HMCN1: variants seen among roughly 807,000 people sequenced by gnomAD.
HMCN1 encodes hemicentin 1.
A neutral mutation model predicts 625.9 loss-of-function variants in HMCN1; 321 were observed. The observed-to-expected ratio is 0.51, with a 90% CI of 0.47 to 0.56. The LOEUF (loss-of-function observed/expected upper bound fraction) is 0.56, where lower values mean the gene tolerates loss of function less well. HMCN1 is among the 20% of genes least tolerant of loss of function. The probability of loss-of-function intolerance (pLI) is 0.00; values close to 1 mark genes in which losing one functional copy is unlikely to be tolerated. For missense variants in HMCN1, 6,588 were observed against 6,887.3 expected, an observed-to-expected ratio of 0.96 and a Z score of 1.54; for synonymous variants, 2,425 against 2,417.6, an observed-to-expected ratio of 1.00 and a Z score of -0.09.
At chr1:185,957,698 A>G (rs1002389246) in intron 11 of HMCN1, among the ~76,000 whole-genome samples, 10 of 152,182 alleles carry the variant, frequency 6.6e-5, no homozygotes, top group African/African-American at 2.4e-4. Context: ...GTTTTTCTGT[A>G]TGAACATTAG....
intron 4 of HMCN1, among the ~76,000 whole-genome samples, chr1:185,872,793 A>T (rs573732215): frequency 6.6e-6 from 1 of 152,312 alleles, no homozygotes; most frequent in Non-Finnish European, 1.5e-5. Context: ...AAACTGCAGC[A>T]ATAGATTCTG....
At chr1:185,903,137 G>A (rs1354708496) in intron 4 of HMCN1, among the ~76,000 whole-genome samples, 1 of 151,714 alleles carries the variant, frequency 6.6e-6, no homozygotes, top group East Asian at 1.9e-4. Flanking sequence ...ATTTTATAAA[G>A]ATAAATTAAT....
intron 1 of HMCN1, among the ~76,000 whole-genome samples, chr1:185,781,480 C>A (rs1175699682): frequency 6.6e-6 from 1 of 152,120 alleles, no homozygotes; most frequent in African/African-American, 2.4e-5. Flanking sequence ...CTCTTGTGGG[C>A]ATTTAGTGGT....
intron 1 of HMCN1, among the ~76,000 whole-genome samples, chr1:185,800,803 A>G (rs1446239107): frequency 2.0e-5 from 3 of 152,214 alleles, no homozygotes; most frequent in Admixed American, 6.5e-5. Flanking sequence ...TTGGCCATCT[A>G]TGAAACATGA....
intron 1 of HMCN1, among the ~76,000 whole-genome samples, chr1:185,843,224 A>G (rs959287676): frequency 6.6e-6 from 1 of 152,234 alleles, no homozygotes; most frequent in Non-Finnish European, 1.5e-5. Context: ...CTGTTATAAC[A>G]ATGTTATCAG....
Position 185,950,886 on chromosome 1 carries a change from T to C in HMCN1, c.1829-11632T>C, listed in dbSNP as rs375055885. 9.1e-3 allele frequency among the ~76,000 whole-genome samples: 1,164 copies of C among 127,776 alleles called. 3 individuals are homozygous for C. The highest frequency in any genetic ancestry group is 0.029 in the African/African-American group (1,002 of 34,132). 83.8% of individuals were successfully genotyped at this position (127,776 alleles called of 152,430 possible). A position where few individuals can be genotyped will look rare whatever the true frequency, so the allele number is the denominator to read the frequency against. ...AGGCAAAACAATTTGGTTGATAAGG[T>C]GCAGATCCTGAACTAACTTGTAAGG... On this transcript the variant is annotated intron_variant, in intron 11 of 106. Coordinates refer to ENST00000271588, the MANE Select transcript of HMCN1 (RefSeq NM_031935.3).
At chr1:186,155,630 C>T (rs962995549) in intron 97 of HMCN1, among the ~76,000 whole-genome samples, 9 of 152,006 alleles carry the variant, frequency 5.9e-5, no homozygotes, top group African/African-American at 1.9e-4. Flanking sequence ...ATCTTTGTAC[C>T]GTCTTTAAGT....
intron 36 of HMCN1, among the ~76,000 whole-genome samples, chr1:186,029,194 G>A (rs953368011): frequency 6.6e-6 from 1 of 152,010 alleles, no homozygotes; most frequent in Non-Finnish European, 1.5e-5. Context: ...ACTCTTTGGA[G>A]TAGAAAAGCA....
intron 4 of HMCN1, among the ~76,000 whole-genome samples, chr1:185,908,185 A>G (rs1182615671): frequency 1.3e-5 from 2 of 151,914 alleles, no homozygotes; most frequent in Admixed American, 6.6e-5. Context: ...TTGTTATGTG[A>G]TAATAAGTCT....
At chr1:186,176,208 C>G (rs1345164156) in intron 103 of HMCN1, among the ~76,000 whole-genome samples, 1 of 152,110 alleles carries the variant, frequency 6.6e-6, no homozygotes, top group Non-Finnish European at 1.5e-5. Flanking sequence ...AGAACTGATT[C>G]TATGTCCTTG....
At chr1:185,888,824 A>G (rs1474516207) in intron 4 of HMCN1, among the ~76,000 whole-genome samples, 2 of 145,504 alleles carry the variant, frequency 1.4e-5, no homozygotes, top group Non-Finnish European at 3.0e-5. Flanking sequence ...ACTTTAAAGT[A>G]GTTTTTTCCA....
Position 185,982,426 on chromosome 1 carries a change from TG to T in HMCN1, c.2790+38del, listed in dbSNP as rs1388464660. ...TTAAATGCATGCATTCACATTCTTT[TG>T]TGAGTTTTCTTTTCTTTTTTTTTTT... On this transcript the variant is annotated intron_variant, in intron 18 of 106. Coordinates refer to ENST00000271588, the MANE Select transcript of HMCN1 (RefSeq NM_031935.3). 5.7e-6 allele frequency: 9 copies of T among 1,591,818 alleles called. No homozygotes were observed. The South Asian group carries it at 8.9e-5, about 16-fold the overall frequency.
At chr1:186,023,827 T>C (rs887844360) in intron 36 of HMCN1, among the ~76,000 whole-genome samples, 4 of 152,218 alleles carry the variant, frequency 2.6e-5, no homozygotes, top group African/African-American at 9.6e-5. Context: ...ATTTATTCAT[T>C]CATATATTCA....
At chr1:186,098,240 G>A (rs1021480100) in intron 68 of HMCN1, among the ~76,000 whole-genome samples, 1 of 152,006 alleles carries the variant, frequency 6.6e-6, no homozygotes, top group African/African-American at 2.4e-5. Context: ...CACAGCTAAG[G>A]AAACATTCAA....
intron 85 of HMCN1, 35 bp downstream of exon 85, chr1:186,130,732 A>C (rs769590440): frequency 6.2e-5 from 98 of 1,583,398 alleles, no homozygotes; most frequent in African/African-American, 1.3e-5. Context: ...GCACCTTTAA[A>C]CCCCCACAGC....
At chr1:185,907,719 T>C (rs746042345) in intron 4 of HMCN1, among the ~76,000 whole-genome samples, 6 of 151,890 alleles carry the variant, frequency 4.0e-5, no homozygotes, top group Non-Finnish European at 7.4e-5. Flanking sequence ...CTGAAACAAC[T>C]AGGGGAAGAG....
In HMCN1 at chr1:186,001,384, G is replaced by A. The variant is rs757548486; in HGVS notation, c.4156G>A (p.Gly1386Ser). 1.2e-5 allele frequency: 19 copies of A among 1,612,026 alleles called. No individual in the cohort carries two copies. Among genetic ancestry groups the A allele is most frequent in the African/African-American group, 5.3e-5 (4 of 74,804 alleles). ...GACCAATCTCTTCTGTGAAGTGGAA[G>A]GCACTCCATCTCCCATCATTATGTG... ...QLTNLFCEVEGTPSPIIMWYK... is the reference protein window; with the variant it reads ...QLTNLFCEVESTPSPIIMWYK... The change falls in exon 27 of 107, where the codon GGC (glycine) becomes AGC (serine). Residue 1386 changes from glycine to serine, a missense_variant. Around this residue, in one of 3 missense-constraint regions of HMCN1, gnomAD observed 4,628 missense variants for 4,853.1 expected, o/e 0.95. Coordinates refer to ENST00000271588, the MANE Select transcript of HMCN1 (RefSeq NM_031935.3).
intron 1 of HMCN1, among the ~76,000 whole-genome samples, chr1:185,808,883 A>T (rs184744241): frequency 1.5e-4 from 23 of 152,212 alleles, no homozygotes; most frequent in African/African-American, 5.5e-4. Flanking sequence ...AAAAGTATTC[A>T]GAAGGGAAAT....
intron 53 of HMCN1, among the ~76,000 whole-genome samples, chr1:186,075,576 A>G (rs1240769951): frequency 6.6e-6 from 1 of 152,086 alleles, no homozygotes; most frequent in African/African-American, 2.4e-5. Context: ...AAGTATATAA[A>G]GCTCCTAGCA....
Sources: allele counts gnomAD v4.1 joint callset (sites outside exome capture counted in the v4.1 genomes callset), GRCh38; gene constraint gnomAD v4.1.1; regional missense constraint gnomAD v4.1.1; transcripts MANE v1.5; gene names NCBI Gene and HGNC (gene_info 2026-07-23, HGNC 2026-07-21).